KIAA1586: variants seen among roughly 807,000 people sequenced by gnomAD.
The protein encoded by KIAA1586 is KIAA1586, also known as E3 SUMO-protein ligase KIAA1586.
KIAA1586 carries 5 observed loss-of-function variants against 6.1 expected under a neutral mutation model. The observed-to-expected ratio is 0.82, with a 90% CI of 0.43 to 1.73. The LOEUF (loss-of-function observed/expected upper bound fraction) is 1.73, where lower values mean the gene tolerates loss of function less well. KIAA1586 is among the 40% of genes most tolerant of loss of function. The pLI is 0.02. For synonymous variants in KIAA1586, 280 were observed against 301.7 expected, an observed-to-expected ratio of 0.93 and a Z score of 0.75; for missense variants, 899 against 878.2, an observed-to-expected ratio of 1.02 and a Z score of -0.30.
At chr6:57,048,321 GT>G in intron 2 of KIAA1586, among the ~76,000 whole-genome samples, 1 of 152,182 alleles carries the variant, frequency 6.6e-6, no homozygotes, top group East Asian at 1.9e-4. Context: ...GTGTTTTTTA[GT>G]TTTTGTAGGT....
chr6:57,054,501 T>A lies in KIAA1586; in HGVS notation c.2002T>A (p.Leu668Met). Residue 668 changes from leucine (L) to methionine (M), a missense_variant, in exon 4 of 4, where the codon TTG becomes ATG. By Grantham distance (15) the Leu-to-Met change is conservative (BLOSUM62 2). Coordinates refer to ENST00000370733, the MANE Select transcript of KIAA1586 (RefSeq NM_020931.4). ...LCKILKYEVD[L>M]NDFREFVNNN... The stretch of plus-strand genomic sequence containing the variant: ...TAAAATTTTAAAATATGAAGTTGAT[T>A]TGAATGATTTTCGGGAATTTGTAAA... 6.3e-7 allele frequency: 1 copy of A among 1,595,332 alleles called. No individual in the cohort carries two copies. The highest frequency in any genetic ancestry group is 1.4e-5 in the African/African-American group (1 of 73,866).
the KIAA1586 span, among the ~76,000 whole-genome samples, chr6:57,066,779 GCA>G: frequency 6.6e-6 from 1 of 152,186 alleles, no homozygotes; most frequent in African/African-American, 2.4e-5. Flanking sequence ...CTGTTAAGTG[GCA>G]CCTTACCTCC....
chr6:57,059,846 T>C (rs931229935), downstream of KIAA1586, among the ~76,000 whole-genome samples: 2 of 152,168 alleles, frequency 1.3e-5, no homozygotes, highest in African/African-American at 4.8e-5. Flanking sequence ...ACCATTTCCC[T>C]TGATGCTCAA....
chr6:57,061,876 C>T, the KIAA1586 span, among the ~76,000 whole-genome samples: 1 of 151,336 alleles, frequency 6.6e-6, no homozygotes, highest in Non-Finnish European at 1.5e-5. Context: ...GTGAAAAAGA[C>T]ATGATCTTTT....
chr6:57,062,359 T>C, the KIAA1586 span, among the ~76,000 whole-genome samples: 2 of 152,212 alleles, frequency 1.3e-5, no homozygotes, highest in African/African-American at 2.4e-5. Context: ...GAAATTTGCT[T>C]TTTTATTTTT....
chr6:57,054,506 T>A lies in KIAA1586; in HGVS notation c.2007T>A (p.Asn669Lys). 6.3e-7 allele frequency: 1 copy of A among 1,594,336 alleles called. No homozygotes were observed. The highest frequency in any genetic ancestry group is 8.5e-7 in the Non-Finnish European group (1 of 1,170,946). The change falls in exon 4 of 4, where the codon AAT (asparagine) becomes AAA (lysine). Residue 669 changes from asparagine (N) to lysine (K), a missense_variant. Physicochemically the swap from Asn to Lys is moderately conservative, Grantham distance 94. Coordinates refer to ENST00000370733, the MANE Select transcript of KIAA1586 (RefSeq NM_020931.4). ...CKILKYEVDL[N>K]DFREFVNNNI... ...TTTTAAAATATGAAGTTGATTTGAA[T>A]GATTTTCGGGAATTTGTAAATAATA...
In KIAA1586 at chr6:57,054,422, T is replaced by G; in HGVS notation, c.1923T>G (p.Tyr641Ter). ...FDLLEPSTWP[Y>*]EEITSPWIAG... ...TGCTGGAACCTTCCACATGGCCTTA[T>G]GAAGAAATAACTTCACCATGGATAG... Residue 641 changes from tyrosine to a stop codon, truncating the protein, a stop_gained, in exon 4 of 4, where the codon TAT becomes TAG. Transcript: ENST00000370733. LOFTEE classifies it low-confidence loss of function (END_TRUNC). 6.2e-7 allele frequency: 1 copy of G among 1,610,070 alleles called. No individual in the cohort carries two copies. The highest frequency in any genetic ancestry group is 8.5e-7 in the Non-Finnish European group (1 of 1,178,220).
rs2127911145 is a variant in KIAA1586 at position 57,053,840 on chromosome 6, T to G, written c.1341T>G (p.Ile447Met). ...INHLKIFIDKIYSIYHQPNKN... is the reference protein window; with the variant it reads ...INHLKIFIDKMYSIYHQPNKN... Reference sequence around the variant, plus strand: ...ATTTAAAAATATTTATTGATAAAATTTATTCTATTTATCATCAACCTAATA... The same window carrying G: ...ATTTAAAAATATTTATTGATAAAATGTATTCTATTTATCATCAACCTAATA... Residue 447 changes from isoleucine to methionine, a missense_variant, in exon 4 of 4, where the codon ATT becomes ATG. Transcript: ENST00000370733. The G allele has an allele frequency of 1.3e-6, 2 of 1,500,706 alleles. No homozygotes were observed. The highest frequency in any genetic ancestry group is 4.8e-5 in the East Asian group (2 of 41,362). The allele number at this position is 1,500,706 out of a possible 1,614,324, so 93.0% of individuals were successfully genotyped here.
downstream of KIAA1586, among the ~76,000 whole-genome samples, chr6:57,056,194 G>A (rs577977576): frequency 6.6e-6 from 1 of 151,438 alleles, no homozygotes; most frequent in East Asian, 1.9e-4. Context: ...GATTACAGGA[G>A]TGTGCCACGA....
Position 57,053,629 on chromosome 6 carries a change from ATGAATATT to A in KIAA1586, c.1135_1142del (p.Tyr379SerfsTer9). On this transcript the variant is annotated frameshift_variant, in exon 4 of 4. Coordinates refer to ENST00000370733, the MANE Select transcript of KIAA1586 (RefSeq NM_020931.4). LOFTEE classifies it low-confidence loss of function (END_TRUNC). ...ACTTTAAATGATTGTGGTTTTACAAATGAATATTTGAAAGCAAATTTAATTGCATTTTG... is the reference window on the plus strand; with the variant it reads ...ACTTTAAATGATTGTGGTTTTACAAATGAAAGCAAATTTAATTGCATTTTG... 6.2e-7 allele frequency: 1 copy of A among 1,611,908 alleles called. No individual in the cohort carries two copies. Among genetic ancestry groups the A allele is most frequent in the Non-Finnish European group, 8.5e-7 (1 of 1,178,440 alleles).
intron 2 of KIAA1586, among the ~76,000 whole-genome samples, chr6:57,050,214 G>A (rs1246278977): frequency 1.3e-5 from 2 of 149,472 alleles, no homozygotes; most frequent in Non-Finnish European, 3.0e-5. Context: ...CCTCTATATA[G>A]ATTTAGGCTC....
chr6:57,053,571 A>G lies in KIAA1586; in HGVS notation c.1072A>G (p.Ile358Val). 3.1e-6 allele frequency: 5 copies of G among 1,612,270 alleles called. No individual in the cohort carries two copies. Among genetic ancestry groups the G allele is most frequent in the South Asian group, 2.2e-5 (2 of 90,992 alleles). Residue 358 changes from isoleucine to valine, a missense_variant, in exon 4 of 4, where the codon ATA (isoleucine) becomes GTA (valine). Physicochemically the swap from Ile to Val is conservative, Grantham distance 29. Transcript: ENST00000370733. ...FVALKELVST[I>V]AECIVNTLLT... ...GGCTTTAAAAGAATTGGTGTCAACTATAGCAGAGTGTATTGTCAATACATT... is the reference window on the plus strand; with the variant it reads ...GGCTTTAAAAGAATTGGTGTCAACTGTAGCAGAGTGTATTGTCAATACATT...
rs1320783823 is a variant in KIAA1586 at position 57,050,912 on chromosome 6, G to A, written c.186+58G>A. ...TCTTATTAAGTGCAATAGTGTGTTG[G>A]TGGTAGCTTGAACTGGATCATAAGA... On this transcript the variant is annotated intron_variant, in intron 3 of 3. Transcript: ENST00000370733. 5 of 1,235,400 alleles carry A rather than the reference G, an allele frequency of 4.0e-6. No individual in the cohort carries two copies. In the Admixed American group the frequency reaches 6.8e-5, roughly 17 times the overall value. The allele number at this position is 1,235,400 out of a possible 1,614,324, so 76.5% of individuals were successfully genotyped here.
At chr6:57,064,531 C>G in the KIAA1586 span, among the ~76,000 whole-genome samples, 1 of 152,160 alleles carries the variant, frequency 6.6e-6, no homozygotes, top group African/African-American at 2.4e-5. Flanking sequence ...ATGCATTCAT[C>G]CAGTTTTGCA....
At chr6:57,059,706 G>A (rs912267434), downstream of KIAA1586, among the ~76,000 whole-genome samples, 1 of 151,700 alleles carries the variant, frequency 6.6e-6, no homozygotes, top group Non-Finnish European at 1.5e-5. Context: ...CCTTACTGTT[G>A]ACTTCAGGAT....
downstream of KIAA1586, among the ~76,000 whole-genome samples, chr6:57,059,129 G>A (rs1828533591): frequency 6.6e-6 from 1 of 152,074 alleles, no homozygotes; most frequent in African/African-American, 2.4e-5. Context: ...GAATTGAGAT[G>A]TGCCTTAGGT....
At chr6:57,057,664 G>A (rs1222569543), downstream of KIAA1586, among the ~76,000 whole-genome samples, 3 of 152,124 alleles carry the variant, frequency 2.0e-5, no homozygotes, top group South Asian at 4.2e-4. Context: ...TGAGACAGGA[G>A]AATTGCTTGA....
the KIAA1586 span, among the ~76,000 whole-genome samples, chr6:57,064,565 A>G: frequency 6.6e-6 from 1 of 152,154 alleles, no homozygotes; most frequent in Non-Finnish European, 1.5e-5. Context: ...TTTTCTTACA[A>G]AATCTTTGTA....
chr6:57,048,365 A>G (rs1365345617), intron 2 of KIAA1586, among the ~76,000 whole-genome samples: 2 of 152,032 alleles, frequency 1.3e-5, no homozygotes, highest in Non-Finnish European at 2.9e-5. Flanking sequence ...TTGTTTTTTA[A>G]ATTAAAATTT....
Sources: allele counts gnomAD v4.1 joint callset (sites outside exome capture counted in the v4.1 genomes callset), GRCh38; gene constraint gnomAD v4.1.1; transcripts MANE v1.5; gene names NCBI Gene and HGNC (gene_info 2026-07-23, HGNC 2026-07-21).